The following FARP1 variants were observed in gnomAD, a reference collection of about 807,000 sequenced individuals.
FARP1 encodes FERM, ARHGEF and pleckstrin domain-containing protein 1.
A neutral mutation model predicts 128.8 loss-of-function variants in FARP1; 52 were observed. The ratio of observed to expected loss-of-function variants is 0.40; its 90% CI spans 0.32 to 0.51. The LOEUF is 0.51. Ranked by LOEUF, FARP1 falls within the 20% of genes least tolerant of loss-of-function variation. The pLI, the probability that FARP1 is intolerant of heterozygous loss-of-function variation, is 0.45. For synonymous variants in FARP1, 580 were observed against 551.8 expected, an observed-to-expected ratio of 1.05 and a Z score of -0.72; for missense variants, 1,333 against 1,367.9, an observed-to-expected ratio of 0.97 and a Z score of 0.40.
At chr13:98,323,046 T>C (rs1415317959) in intron 2 of FARP1, among the ~76,000 whole-genome samples, 1 of 152,222 alleles carries the variant, frequency 6.6e-6, no homozygotes, top group Non-Finnish European at 1.5e-5. Flanking sequence ...AATTGCAGGA[T>C]GTAATAGTGG....
intron 1 of FARP1, among the ~76,000 whole-genome samples, chr13:98,161,360 C>T (rs1876870408): frequency 2.6e-5 from 4 of 151,592 alleles, no homozygotes; most frequent in African/African-American, 4.8e-5. Flanking sequence ...GGATTACAGG[C>T]GCGCACCACC....
intron 16 of FARP1, among the ~76,000 whole-genome samples, chr13:98,416,008 C>G (rs1327746989): frequency 6.6e-6 from 1 of 152,258 alleles, no homozygotes; most frequent in Non-Finnish European, 1.5e-5. Context: ...GCTTAGTATA[C>G]TGCGCTGCGC....
rs1431665141 is a variant in FARP1 at position 98,439,215 on chromosome 13, C to T, written c.2433+19C>T. 12 of 1,575,976 alleles carry T rather than the reference C, an allele frequency of 7.6e-6. No homozygotes were observed. Among genetic ancestry groups the T allele is most frequent in the Non-Finnish European group, 1.0e-5 (12 of 1,150,648 alleles). On this transcript the variant is annotated intron_variant, in intron 21 of 26. Transcript: ENST00000319562. ...CATGACGGTGAGTACAGCACAGGCT[C>T]GTGGCCAGGGCCTGTCCTCGGGGGC... is the stretch of plus-strand genomic sequence containing the variant.
intron 3 of FARP1, among the ~76,000 whole-genome samples, chr13:98,352,710 C>G (rs1328285734): frequency 3.9e-5 from 6 of 152,166 alleles, no homozygotes; most frequent in Non-Finnish European, 7.3e-5. Flanking sequence ...TCCTGAGACA[C>G]CACGTTTGGC....
In FARP1 at chr13:98,453,982, G is replaced by A. The variant is rs549038723; in HGVS notation, c.*5665G>A. On this transcript the variant is annotated 3_prime_UTR_variant, in exon 27 of 27. Transcript: ENST00000319562. ...AATCCGAAATCTGACATGCCCCAGAGAGCAGTTCCTTTGAGCCCCATGCTG... is the reference window on the plus strand; with the variant it reads ...AATCCGAAATCTGACATGCCCCAGAAAGCAGTTCCTTTGAGCCCCATGCTG... 4 of 152,296 alleles carry A rather than the reference G, an allele frequency of 2.6e-5. No homozygotes were observed. The South Asian group carries it at 6.2e-4, about 24-fold the overall frequency. 9.4% of individuals were successfully genotyped at this position (152,296 alleles called of 1,614,324 possible).
chr13:98,444,313 G>T (rs566441912), intron 24 of FARP1, among the ~76,000 whole-genome samples: 1 of 152,194 alleles, frequency 6.6e-6, no homozygotes, highest in Non-Finnish European at 1.5e-5. Context: ...AGGCACGGAG[G>T]GTTTGGACTT....
intron 13 of FARP1, chr13:98,399,623 A>G (rs1239639314): frequency 2.0e-5 from 3 of 152,166 alleles, no homozygotes. Context: ...TTCTAGGACA[A>G]TAGCTAGTGT....
At chr13:98,355,676 T>G (rs970126498) in intron 3 of FARP1, among the ~76,000 whole-genome samples, 1 of 152,212 alleles carries the variant, frequency 6.6e-6, no homozygotes, top group African/African-American at 2.4e-5. Context: ...GTGAAAAACA[T>G]ATTTTTAAAA....
chr13:98,195,485 T>G (rs1331410267), intron 1 of FARP1, among the ~76,000 whole-genome samples: 1 of 152,132 alleles, frequency 6.6e-6, no homozygotes, highest in Non-Finnish European at 1.5e-5. Flanking sequence ...TTAAGGGCAG[T>G]GAGTTTGCAT....
At chr13:98,297,648 A>G (rs568428598) in intron 2 of FARP1, among the ~76,000 whole-genome samples, 2 of 152,274 alleles carry the variant, frequency 1.3e-5, no homozygotes, top group East Asian at 3.9e-4. Flanking sequence ...GAAGGAGGAC[A>G]TTTGGGTGGG....
intron 1 of FARP1, among the ~76,000 whole-genome samples, chr13:98,211,426 C>G (rs1395443445): frequency 6.6e-6 from 1 of 150,410 alleles, no homozygotes; most frequent in Admixed American, 6.7e-5. Context: ...CATTTCATCC[C>G]GCAACCATTG....
chr13:98,443,634 C>G (rs906397489), intron 24 of FARP1, among the ~76,000 whole-genome samples: 6 of 152,172 alleles, frequency 3.9e-5, no homozygotes, highest in African/African-American at 1.2e-4. Flanking sequence ...CCTCACTGGC[C>G]TCTGCTAAAA....
At chr13:98,335,023 C>T (rs1433989192) in intron 2 of FARP1, among the ~76,000 whole-genome samples, 1 of 152,242 alleles carries the variant, frequency 6.6e-6, no homozygotes, top group African/African-American at 2.4e-5. Context: ...ACTCATCCTT[C>T]AGGACCCATT....
chr13:98,207,795 G>T (rs540567128), intron 1 of FARP1, among the ~76,000 whole-genome samples: 35 of 152,114 alleles, frequency 2.3e-4, no homozygotes, highest in Non-Finnish European at 4.0e-4. Context: ...TTTTAACCAT[G>T]AGACAGTGAA....
chr13:98,373,533 G>GACAGACACACACACACACAC (rs1349451618), intron 5 of FARP1, among the ~76,000 whole-genome samples: 50 of 131,064 alleles, frequency 3.8e-4, no homozygotes, highest in African/African-American at 1.1e-3. Context: ...CAGACAGACA[G>GACAGACACACACACACACAC]ACACACACAC....
At chr13:98,326,589 A>T (rs931557600) in intron 2 of FARP1, among the ~76,000 whole-genome samples, 1 of 152,204 alleles carries the variant, frequency 6.6e-6, no homozygotes, top group Non-Finnish European at 1.5e-5. Flanking sequence ...AATTGGGACT[A>T]ATCATGCCTT....
intron 24 of FARP1, among the ~76,000 whole-genome samples, chr13:98,443,794 G>T (rs1249908258): frequency 6.6e-6 from 1 of 152,276 alleles, no homozygotes; most frequent in Non-Finnish European, 1.5e-5. Context: ...CTGGAGTGGC[G>T]AGACGGGACA....
intron 1 of FARP1, chr13:98,203,971 T>C (rs1880111614): frequency 6.6e-6 from 1 of 152,270 alleles, no homozygotes; most frequent in South Asian, 2.1e-4. Context: ...CAGCTACTCG[T>C]ATACCCTTGA....
intron 2 of FARP1, among the ~76,000 whole-genome samples, chr13:98,242,766 A>G (rs1211528846): frequency 6.6e-6 from 1 of 152,242 alleles, no homozygotes; most frequent in Non-Finnish European, 1.5e-5. Context: ...TTTGTAATGC[A>G]TGAAAGCTTT....
Sources: gnomAD v4.1 joint callset for allele counts (sites outside exome capture counted in the v4.1 genomes callset) on GRCh38, gnomAD v4.1.1 for gene constraint, MANE v1.5 for transcripts, NCBI Gene and HGNC (gene_info 2026-07-23, HGNC 2026-07-21) for gene names.